ANO4: variants seen among roughly 807,000 people sequenced by gnomAD.
ANO4 encodes anoctamin 4.
Under a neutral mutation model 141.9 loss-of-function variants are expected in ANO4, and 69 were observed. That is an observed-to-expected ratio of 0.49 (90% confidence interval 0.40 to 0.59). The LOEUF (loss-of-function observed/expected upper bound fraction) is 0.59. Ranked by LOEUF, ANO4 falls within the 20% of genes least tolerant of loss-of-function variation. The pLI, the probability that ANO4 is intolerant of heterozygous loss-of-function variation, is 0.00. For missense variants in ANO4, 894 were observed against 1,162.2 expected (o/e 0.77, Z 3.36); for synonymous variants, 350 against 394.3 (o/e 0.89, Z 1.33).
At position 101,100,104 on chromosome 12, in the gene ANO4, G is replaced by A. The variant is rs376726192; in HGVS notation, c.2149+384G>A. Among the ~76,000 whole-genome samples the A allele has an allele frequency of 9.9e-5, 15 of 152,218 alleles. No homozygotes were observed. The South Asian group carries it at 2.9e-3, about 29-fold the overall frequency. On this transcript the variant is annotated intron_variant, in intron 22 of 27. Coordinates refer to ENST00000392977, the MANE Select transcript of ANO4 (RefSeq NM_001286615.2). The stretch of plus-strand genomic sequence containing the variant: ...AACCATTTCATAAAGTCTTTGTGTG[G>A]ATTAAATGAGTTAATGCATGAACAT...
At chr12:100,805,451 A>T (rs74482130) in intron 1 of ANO4, among the ~76,000 whole-genome samples, 6,050 of 152,282 alleles carry the variant, frequency 0.04, 407 homozygotes, top group African/African-American at 0.14. Context: ...TTGGTTCCAT[A>T]TGAATTTAAA....
At chr12:100,758,761 AT>A (rs1317723017) in intron 3 of ANO4, among the ~76,000 whole-genome samples, 1 of 152,178 alleles carries the variant, frequency 6.6e-6, no homozygotes, top group Non-Finnish European at 1.5e-5. Context: ...TGAAATAAAA[AT>A]GTCAACAGGC....
At chr12:100,789,693 T>C (rs1163520174) in intron 3 of ANO4, among the ~76,000 whole-genome samples, 1 of 152,134 alleles carries the variant, frequency 6.6e-6, no homozygotes, top group Non-Finnish European at 1.5e-5. Flanking sequence ...CCATAGAAAC[T>C]CCTGGTTGAA....
At position 100,949,212 on chromosome 12, in the gene ANO4, C is replaced by T. The variant is rs189435930; in HGVS notation, c.456+6677C>T. Among the ~76,000 whole-genome samples, 142 of 152,302 alleles carry T rather than the reference C, an allele frequency of 9.3e-4. 2 individuals are homozygous for T. Among genetic ancestry groups the T allele is most frequent in the African/African-American group, 3.3e-3 (137 of 41,560 alleles). On this transcript the variant is annotated intron_variant, in intron 5 of 27. Coordinates refer to ENST00000392977, the MANE Select transcript of ANO4 (RefSeq NM_001286615.2). ...CTGGTGAGACCCTAAAGCAGAGAAC[C>T]CAGCTCAGCTGTGCCTGACTTCCAC...
At chr12:100,729,720 C>T (rs1419254131) in intron 1 of ANO4, among the ~76,000 whole-genome samples, 1 of 152,158 alleles carries the variant, frequency 6.6e-6, no homozygotes, top group Non-Finnish European at 1.5e-5. Flanking sequence ...TCTGTAAAAT[C>T]TAGCCTTTTT....
intron 1 of ANO4, among the ~76,000 whole-genome samples, chr12:100,829,602 A>G (rs1314630160): frequency 6.6e-6 from 1 of 152,038 alleles, no homozygotes; most frequent in Admixed American, 6.6e-5. Context: ...TAAAGTTAAT[A>G]TTTTGCTTTA....
At position 100,926,602 on chromosome 12, in the gene ANO4, T is replaced by TGTG. The variant is rs2041881508; in HGVS notation, c.160+4272_160+4273insGTG. ...ATGTGAAAGTATAACAAGGGTGTGT[T>TGTG]TGTGTGTGTGTGTGTGTGTGTGTGT... is the stretch of plus-strand genomic sequence containing the variant. On this transcript the variant is annotated intron_variant, in intron 3 of 27. Transcript: ENST00000392977. Among the ~76,000 whole-genome samples the TGTG allele has an allele frequency of 1.6e-4, 24 of 147,504 alleles. 1 individual carries two copies. Among genetic ancestry groups the TGTG allele is most frequent in the African/African-American group, 5.9e-4 (24 of 40,352 alleles).
At chr12:101,024,652 T>TG (rs2046662551) in intron 9 of ANO4, among the ~76,000 whole-genome samples, 1 of 152,166 alleles carries the variant, frequency 6.6e-6, no homozygotes, top group Admixed American at 6.5e-5. Flanking sequence ...AATCCTATTT[T>TG]TTCTAACATC....
intron 8 of ANO4, among the ~76,000 whole-genome samples, chr12:101,010,025 T>C (rs2046020222): frequency 1.3e-5 from 2 of 152,162 alleles, no homozygotes; most frequent in African/African-American, 4.8e-5. Context: ...ATAAATATTA[T>C]TGTTCTTGGG....
chr12:100,833,104 T>G (rs1420546014), intron 1 of ANO4, among the ~76,000 whole-genome samples: 5 of 152,102 alleles, frequency 3.3e-5, no homozygotes, highest in Non-Finnish European at 7.4e-5. Flanking sequence ...TGGAAGGGAC[T>G]GGGGGAGAGG....
intron 8 of ANO4, among the ~76,000 whole-genome samples, chr12:101,004,186 A>G (rs2045775204): frequency 6.6e-6 from 1 of 151,972 alleles, no homozygotes; most frequent in South Asian, 2.1e-4. Flanking sequence ...CAAAGGAAAC[A>G]CTGAAGTCAA....
chr12:100,922,038 C>T (rs1163047831), intron 2 of ANO4, among the ~76,000 whole-genome samples, 188 bp from the exon 3 acceptor site: 1 of 150,126 alleles, frequency 6.7e-6, no homozygotes, highest in African/African-American at 2.4e-5. Flanking sequence ...TTTTTGGTCC[C>T]ATAAAATGCA....
chr12:100,778,478 G>A (rs557697376), intron 3 of ANO4, among the ~76,000 whole-genome samples: 87 of 152,240 alleles, frequency 5.7e-4, no homozygotes, highest in African/African-American at 1.9e-3. Context: ...GATGCAAAAC[G>A]CAAGAATCCT....
chr12:100,970,322 C>A (rs115919847), intron 5 of ANO4, among the ~76,000 whole-genome samples: 1 of 152,170 alleles, frequency 6.6e-6, no homozygotes. Flanking sequence ...GCTGCACGTC[C>A]TGTCTTCTGC....
chr12:100,733,759 T>G, intron 1 of ANO4: 1 of 697,590 alleles, frequency 1.4e-6, no homozygotes, highest in Non-Finnish European at 2.6e-6. Flanking sequence ...TTCTTGTCTT[T>G]TATTTTCTTA....
At chr12:101,036,477 G>A (rs138052239) in intron 9 of ANO4, among the ~76,000 whole-genome samples, 1 of 152,166 alleles carries the variant, frequency 6.6e-6, no homozygotes, top group African/African-American at 2.4e-5. Flanking sequence ...ATGGATAAAG[G>A]AATTGTGGTA....
At chr12:101,070,593 A>T (rs1042268922) in intron 14 of ANO4, among the ~76,000 whole-genome samples, 3 of 152,162 alleles carry the variant, frequency 2.0e-5, no homozygotes, top group African/African-American at 7.2e-5. Flanking sequence ...ACTCTCCAAG[A>T]CATGAGACTG....
rs189803302 is a variant in ANO4, at chr12:100,767,099, A to G, written c.358+26994A>G. Among the ~76,000 whole-genome samples, 17 of 152,306 alleles carry G rather than the reference A, an allele frequency of 1.1e-4. No individual in the cohort carries two copies. In the East Asian group the frequency reaches 3.3e-3, roughly 29 times the overall value. On this transcript the variant is annotated intron_variant, in intron 3 of 29. Transcript: ENST00000644049. ...AGCTTATGTGTGTCCTTAAAGCTAA[A>G]GTGAGTCTCTTGTAGGCAGCATATA...
chr12:101,075,691 G>T (rs1473229616), intron 14 of ANO4, among the ~76,000 whole-genome samples: 5 of 140,862 alleles, frequency 3.5e-5, no homozygotes. Flanking sequence ...AAAACATAAA[G>T]ATACATATAT....
Sources: gnomAD v4.1 joint callset for allele counts (sites outside exome capture counted in the v4.1 genomes callset) on GRCh38, gnomAD v4.1.1 for gene constraint, MANE v1.5 for transcripts, NCBI Gene and HGNC (gene_info 2026-07-23, HGNC 2026-07-21) for gene names.